CTIF: variants seen among roughly 807,000 people sequenced by gnomAD.
The protein encoded by CTIF is CBP80/20-dependent translation initiation factor.
CTIF carries 21 observed loss-of-function variants against 66.0 expected under a neutral mutation model. The observed-to-expected ratio is 0.32, with a 90% CI of 0.23 to 0.46. The LOEUF (loss-of-function observed/expected upper bound fraction) is 0.46. CTIF is among the 20% of genes least tolerant of loss of function. CTIF has a pLI of 1.00. For synonymous variants in CTIF, 345 were observed against 326.4 expected (o/e 1.06, Z -0.62); for missense variants, 739 against 812.7 (o/e 0.91, Z 1.10).
intron 10 of CTIF, among the ~76,000 whole-genome samples, chr18:48,854,391 A>G (rs767763004): frequency 6.6e-6 from 1 of 152,168 alleles, no homozygotes; most frequent in East Asian, 1.9e-4. Context: ...TTTAACCTGC[A>G]TGGGAAGAAG....
At chr18:48,824,539 A>G (rs1322182015) in intron 10 of CTIF, among the ~76,000 whole-genome samples, 2 of 151,888 alleles carry the variant, frequency 1.3e-5, no homozygotes, top group Non-Finnish European at 2.9e-5. Context: ...CTTCTAGGTT[A>G]TCATTGAATG....
intron 9 of CTIF, among the ~76,000 whole-genome samples, chr18:48,798,001 T>C (rs2067966443): frequency 6.6e-6 from 1 of 152,120 alleles, no homozygotes; most frequent in Non-Finnish European, 1.5e-5. Context: ...TCAGAGTGTC[T>C]CTTATCACCT....
chr18:48,852,310 C>G lies in CTIF; in HGVS notation c.1528-5278C>G, dbSNP rs577366437. On this transcript the variant is annotated intron_variant, in intron 10 of 11. Coordinates refer to ENST00000256413, the MANE Select transcript of CTIF (RefSeq NM_014772.3). ...TTCTCCTGATGTTAATCCCCATTTTCCCTGCTGAGTAAGTGTGGCTAGGCC... is the reference window on the plus strand; with the variant it reads ...TTCTCCTGATGTTAATCCCCATTTTGCCTGCTGAGTAAGTGTGGCTAGGCC... 2.0e-5 allele frequency among the ~76,000 whole-genome samples: 3 copies of G among 150,530 alleles called. No homozygotes were observed. The South Asian group carries it at 6.3e-4, about 32-fold the overall frequency.
intron 1 of CTIF, among the ~76,000 whole-genome samples, chr18:48,601,046 T>G (rs1308083124): frequency 2.0e-5 from 3 of 152,204 alleles, no homozygotes; most frequent in Non-Finnish European, 4.4e-5. Flanking sequence ...CCAATTTGGA[T>G]GATGGTCCTT....
intron 9 of CTIF, among the ~76,000 whole-genome samples, chr18:48,766,548 T>A (rs1909558666): frequency 6.6e-6 from 1 of 152,212 alleles, no homozygotes; most frequent in Admixed American, 6.5e-5. Context: ...ATCAGTTGAA[T>A]TAGATTCTCC....
chr18:48,624,452 A>G (rs28372584), intron 2 of CTIF, among the ~76,000 whole-genome samples: 1 of 152,086 alleles, frequency 6.6e-6, no homozygotes, highest in African/African-American at 2.4e-5. Flanking sequence ...TTTCTTTCCT[A>G]TAGAAAGAAA....
intron 1 of CTIF, among the ~76,000 whole-genome samples, chr18:48,548,013 T>C (rs73956903): frequency 0.013 from 1,913 of 152,318 alleles, 44 homozygotes; most frequent in African/African-American, 0.043. Context: ...AGGGAGTTTA[T>C]TGAGTGCCTG....
At chr18:48,566,357 C>A (rs910559209) in intron 1 of CTIF, 1 of 152,220 alleles carries the variant, frequency 6.6e-6, no homozygotes, top group East Asian at 1.9e-4. Context: ...AGCTTACAGA[C>A]AAGACCATGA....
intron 9 of CTIF, among the ~76,000 whole-genome samples, chr18:48,766,379 G>C (rs1909542610): frequency 6.6e-6 from 1 of 152,082 alleles, no homozygotes; most frequent in South Asian, 2.1e-4. Flanking sequence ...TCATAGATGG[G>C]CAAACTAAGG....
intron 1 of CTIF, among the ~76,000 whole-genome samples, chr18:48,588,140 G>A (rs550338431): frequency 6.6e-6 from 1 of 152,128 alleles, no homozygotes; most frequent in African/African-American, 2.4e-5. Flanking sequence ...GAATTACTGG[G>A]ACCCTCCTAA....
chr18:48,641,373 G>A (rs1048409148), intron 3 of CTIF, among the ~76,000 whole-genome samples: 3 of 152,240 alleles, frequency 2.0e-5, no homozygotes, highest in Non-Finnish European at 4.4e-5. Context: ...GGAAGGACTT[G>A]TTGGCCCACC....
intron 1 of CTIF, among the ~76,000 whole-genome samples, chr18:48,599,685 G>C (rs1014196537): frequency 6.6e-6 from 1 of 152,186 alleles, no homozygotes; most frequent in African/African-American, 2.4e-5. Context: ...GCACCTTCCT[G>C]CTCAGCTGGC....
In CTIF at chr18:48,777,560, G is replaced by A. The variant is rs573172842; in HGVS notation, c.1371+15871G>A. 4.7e-4 allele frequency among the ~76,000 whole-genome samples: 71 copies of A among 152,300 alleles called. 2 individuals are homozygous for A. Among genetic ancestry groups the A allele is most frequent in the Admixed American group, 4.4e-3 (68 of 15,312 alleles). ...TCTTGGAGGCCACAGGAGGGCCACC[G>A]AGGTCTCAGGTAGCTTAGAAGGAGG... On this transcript the variant is annotated intron_variant, in intron 9 of 11. Coordinates refer to ENST00000256413, the MANE Select transcript of CTIF (RefSeq NM_014772.3).
rs778276446 is a variant in CTIF at position 48,861,777 on chromosome 18, C to T, written c.*2218C>T. ...CCTTGGGGCCTGATTCTCCTTCCTC[C>T]GAACGGGCTCCTTGATGGCCTGGCC... On this transcript the variant is annotated 3_prime_UTR_variant, in exon 12 of 12. Coordinates refer to ENST00000256413, the MANE Select transcript of CTIF (RefSeq NM_014772.3). The T allele has an allele frequency of 7.9e-5, 12 of 152,352 alleles. No individual in the cohort carries two copies. Among genetic ancestry groups the T allele is most frequent in the South Asian group, 2.1e-4 (1 of 4,828 alleles). 9.4% of individuals were successfully genotyped at this position (152,352 alleles called of 1,614,324 possible). A position where few individuals can be genotyped will look rare whatever the true frequency, so the allele number is the denominator to read the frequency against.
chr18:48,848,255 C>G (rs1292019759), intron 10 of CTIF, among the ~76,000 whole-genome samples: 6 of 152,188 alleles, frequency 3.9e-5, no homozygotes, highest in Non-Finnish European at 8.8e-5. Context: ...TTCAGCTTGT[C>G]CCCCCACAGC....
At chr18:48,757,245 T>G (rs929129695) in intron 7 of CTIF, among the ~76,000 whole-genome samples, 5 of 152,156 alleles carry the variant, frequency 3.3e-5, no homozygotes, top group Non-Finnish European at 7.3e-5. Context: ...ATGTCTTATC[T>G]CCAAATACAG....
intron 10 of CTIF, among the ~76,000 whole-genome samples, chr18:48,827,807 G>A (rs907391722): frequency 1.3e-5 from 2 of 152,104 alleles, no homozygotes; most frequent in African/African-American, 4.8e-5. Context: ...CTTCCCACCC[G>A]CTTTGTCCCC....
intron 2 of CTIF, among the ~76,000 whole-genome samples, chr18:48,622,802 C>T (rs2090520173): frequency 6.6e-6 from 1 of 152,168 alleles, no homozygotes; most frequent in Non-Finnish European, 1.5e-5. Flanking sequence ...TCCCCAGGAG[C>T]AGGGCCTGTG....
intron 6 of CTIF, among the ~76,000 whole-genome samples, chr18:48,680,892 G>C (rs769477567): frequency 2.0e-5 from 3 of 152,220 alleles, no homozygotes; most frequent in Non-Finnish European, 4.4e-5. Flanking sequence ...GGTGAGTTTA[G>C]GGGCGGAGAA....
Sources: allele counts gnomAD v4.1 joint callset (sites outside exome capture counted in the v4.1 genomes callset), GRCh38; gene constraint gnomAD v4.1.1; transcripts MANE v1.5; gene names NCBI Gene and HGNC (gene_info 2026-07-23, HGNC 2026-07-21).